GATAD2A: variants seen among roughly 807,000 people sequenced by gnomAD.
GATAD2A encodes GATA zinc finger domain containing 2A, also known as transcriptional repressor p66-alpha.
GATAD2A carries 12 observed loss-of-function variants against 68.5 expected under a neutral mutation model. That is an observed-to-expected ratio of 0.18 (90% CI 0.11 to 0.28). The LOEUF (loss-of-function observed/expected upper bound fraction) is 0.28. GATAD2A is among the 10% of genes least tolerant of loss of function. The pLI, the probability that GATAD2A is intolerant of heterozygous loss-of-function variation, is 1.00. For missense variants in GATAD2A, 755 were observed against 868.5 expected (o/e 0.87, Z 1.64); for synonymous variants, 410 against 375.3 (o/e 1.09, Z -1.07).
intron 1 of GATAD2A, among the ~76,000 whole-genome samples, chr19:19,398,309 T>G (rs1202833209): frequency 6.6e-6 from 1 of 152,002 alleles, no homozygotes; most frequent in Non-Finnish European, 1.5e-5. Context: ...GTTCAAGCAA[T>G]TCTCCTGCCT....
chr19:19,438,640 C>G (rs1284924385), intron 1 of GATAD2A, among the ~76,000 whole-genome samples: 1 of 152,202 alleles, frequency 6.6e-6, no homozygotes, highest in African/African-American at 2.4e-5. Flanking sequence ...AGGAAACCTC[C>G]CTCTTCTCTG....
intron 1 of GATAD2A, among the ~76,000 whole-genome samples, chr19:19,458,947 ACTGT>A (rs1342274698): frequency 5.3e-5 from 8 of 152,146 alleles, no homozygotes; most frequent in African/African-American, 1.9e-4. Flanking sequence ...TGGATGAGGT[ACTGT>A]CTTTCTTTGT....
intron 1 of GATAD2A, among the ~76,000 whole-genome samples, chr19:19,434,273 A>G (rs1016727996): frequency 2.6e-5 from 4 of 152,040 alleles, no homozygotes; most frequent in African/African-American, 9.7e-5. Flanking sequence ...GAGGCTTCCC[A>G]CCCTCGGGGC....
At chr19:19,419,635 G>C (rs2052096897) in intron 1 of GATAD2A, among the ~76,000 whole-genome samples, 1 of 151,134 alleles carries the variant, frequency 6.6e-6, no homozygotes, top group Non-Finnish European at 1.5e-5. Flanking sequence ...TTGTGCCTCA[G>C]CTGCTCGAAT....
chr19:19,421,779 G>C (rs978787345), intron 1 of GATAD2A, among the ~76,000 whole-genome samples: 9 of 152,116 alleles, frequency 5.9e-5, no homozygotes, highest in African/African-American at 2.2e-4. Flanking sequence ...GCCTAAGGCT[G>C]TGTAGTCTGA....
chr19:19,479,726 C>T (rs2058922399), intron 2 of GATAD2A, among the ~76,000 whole-genome samples: 1 of 151,984 alleles, frequency 6.6e-6, no homozygotes, highest in African/African-American at 2.4e-5. Flanking sequence ...TGGTGAGGTG[C>T]CATTTGTCAG....
rs78591563 is a variant in GATAD2A, at chr19:19,504,930, C to T, written c.1775-414C>T. 9.2e-3 allele frequency among the ~76,000 whole-genome samples: 1,397 copies of T among 152,268 alleles called. 20 individuals are homozygous for T. The highest frequency in any genetic ancestry group is 0.032 in the African/African-American group (1,311 of 41,540). ...AAAGTGCTGGGATTCTAGGCTGAGC[C>T]TCCGTGCCCAGCTAAGATAGTTTTT... On this transcript the variant is annotated intron_variant, in intron 11 of 11. Transcript: ENST00000683918.
At chr19:19,463,109 C>T (rs1294288051) in intron 1 of GATAD2A, among the ~76,000 whole-genome samples, 1 of 152,166 alleles carries the variant, frequency 6.6e-6, no homozygotes, top group East Asian at 1.9e-4. Flanking sequence ...CCTTACTTGT[C>T]CGAGGTCCTG....
intron 1 of GATAD2A, among the ~76,000 whole-genome samples, chr19:19,442,089 A>G (rs1201726746): frequency 5.4e-5 from 7 of 130,476 alleles, no homozygotes; most frequent in African/African-American, 2.1e-4. Context: ...TCAAACTCCA[A>G]CCTCAGGTGA....
intron 1 of GATAD2A, among the ~76,000 whole-genome samples, chr19:19,412,088 CT>C (rs959960153): frequency 2.6e-4 from 37 of 144,138 alleles, no homozygotes; most frequent in South Asian, 2.2e-4. Flanking sequence ...CTCTCTCTCT[CT>C]TTTTTTTTTG....
At chr19:19,499,063 T>G (rs1273460361) in intron 8 of GATAD2A, among the ~76,000 whole-genome samples, 1 of 151,770 alleles carries the variant, frequency 6.6e-6, no homozygotes, top group African/African-American at 2.4e-5. Flanking sequence ...CAATGTGGAG[T>G]TGTGACACAC....
chr19:19,450,761 AACT>A (rs1819904131), intron 1 of GATAD2A, among the ~76,000 whole-genome samples: 1 of 145,254 alleles, frequency 6.9e-6, no homozygotes, highest in African/African-American at 2.5e-5. Context: ...AAAAAAAAAA[AACT>A]CTTTTTTTTT....
chr19:19,487,848 G>A (rs763945097), intron 2 of GATAD2A, among the ~76,000 whole-genome samples: 11 of 152,166 alleles, frequency 7.2e-5, no homozygotes, highest in Non-Finnish European at 1.3e-4. Flanking sequence ...GCTGGTGTTG[G>A]CTCTAGCAGA....
At chr19:19,407,442 C>T (rs777646529) in intron 1 of GATAD2A, among the ~76,000 whole-genome samples, 3 of 152,164 alleles carry the variant, frequency 2.0e-5, no homozygotes, top group Non-Finnish European at 4.4e-5. Flanking sequence ...GTATTATCTG[C>T]GCTTTACAGG....
chr19:19,429,598 G>T (rs1171797190), intron 1 of GATAD2A, among the ~76,000 whole-genome samples: 1 of 151,864 alleles, frequency 6.6e-6, no homozygotes, highest in Non-Finnish European at 1.5e-5. Flanking sequence ...GCCAGTACAT[G>T]CCTTAGGCTG....
chr19:19,447,240 A>T (rs2055835084), intron 1 of GATAD2A, among the ~76,000 whole-genome samples: 1 of 152,108 alleles, frequency 6.6e-6, no homozygotes, highest in Non-Finnish European at 1.5e-5. Flanking sequence ...GGAGATGCAA[A>T]GGCCCTGAGG....
chr19:19,454,595 C>CT (rs2056741253), intron 1 of GATAD2A, among the ~76,000 whole-genome samples: 1 of 148,546 alleles, frequency 6.7e-6, no homozygotes, highest in African/African-American at 2.5e-5. Context: ...GAGACCCTGT[C>CT]TCAAAAAAAA....
chr19:19,409,975 C>T (rs1289803501), intron 1 of GATAD2A, among the ~76,000 whole-genome samples: 2 of 152,150 alleles, frequency 1.3e-5, no homozygotes, highest in Non-Finnish European at 2.9e-5. Flanking sequence ...CTTTAGGTAG[C>T]CTCAGGAAGT....
chr19:19,453,709 C>T (rs1211760366), intron 1 of GATAD2A, among the ~76,000 whole-genome samples: 1 of 149,128 alleles, frequency 6.7e-6, no homozygotes, highest in Non-Finnish European at 1.5e-5. Context: ...CGGAGTCTTG[C>T]TCCGTCGCCC....
Sources: allele counts gnomAD v4.1 joint callset (sites outside exome capture counted in the v4.1 genomes callset), GRCh38; gene constraint gnomAD v4.1.1; transcripts MANE v1.5; gene names NCBI Gene and HGNC (gene_info 2026-07-23, HGNC 2026-07-21).